The following AHI1 variants were observed in gnomAD, a reference collection of about 807,000 sequenced individuals.
The protein encoded by AHI1 is jouberin.
AHI1 carries 123 observed loss-of-function variants against 149.3 expected under a neutral mutation model. That is an observed-to-expected ratio of 0.82 (90% CI 0.71 to 0.96). AHI1 has a LOEUF of 0.96. Among genes scored for constraint, AHI1 ranks in the 40% least tolerant of loss-of-function variants. The pLI, the probability that AHI1 is intolerant of heterozygous loss-of-function variation, is 0.00. For missense variants in AHI1, 1,439 were observed against 1,422.7 expected, an observed-to-expected ratio of 1.01 and a Z score of -0.18; for synonymous variants, 475 against 459.8, an observed-to-expected ratio of 1.03 and a Z score of -0.42.
In AHI1 at chr6:135,340,187, C is replaced by T. The variant is rs139433812; in HGVS notation, c.3166-16863G>A. Among the ~76,000 whole-genome samples the T allele has an allele frequency of 1.9e-3, 289 of 152,096 alleles. 1 individual carries two copies. Among genetic ancestry groups the T allele is most frequent in the African/African-American group, 6.7e-3 (278 of 41,518 alleles). ...GAGTTCAAGACCAGCCTGACCAACA[C>T]GGTGAAACCCTGTATCTACTAAAAA... On this transcript the variant is annotated intron_variant, in intron 24 of 28. Coordinates refer to ENST00000265602, the MANE Select transcript of AHI1 (RefSeq NM_001134831.2).
At chr6:135,413,819 G>A (rs1683000886) in intron 20 of AHI1, among the ~76,000 whole-genome samples, 2 of 152,164 alleles carry the variant, frequency 1.3e-5, no homozygotes, top group Non-Finnish European at 1.5e-5. Flanking sequence ...TGAAAGACCT[G>A]TATACTGAAA....
chr6:135,495,643 T>G (rs1351690895), intron 3 of AHI1, 171 bp downstream of exon 3: 1 of 152,246 alleles, frequency 6.6e-6, no homozygotes, highest in Non-Finnish European at 1.5e-5. Flanking sequence ...AAATGTTCTG[T>G]AACTCCCACC....
intron 20 of AHI1, among the ~76,000 whole-genome samples, chr6:135,423,849 C>T (rs750382612): frequency 1.3e-5 from 2 of 152,014 alleles, no homozygotes; most frequent in African/African-American, 2.4e-5. Flanking sequence ...GACATTGCCA[C>T]CTAGCGAAAA....
At chr6:135,364,950 G>A (rs904453428) in intron 23 of AHI1, among the ~76,000 whole-genome samples, 2 of 152,028 alleles carry the variant, frequency 1.3e-5, no homozygotes, top group African/African-American at 4.8e-5. Flanking sequence ...AGAGGGAGAG[G>A]GAGTGGGAGC....
chr6:135,468,716 AAC>A (rs1159349498), intron 5 of AHI1, among the ~76,000 whole-genome samples: 1 of 152,148 alleles, frequency 6.6e-6, no homozygotes, highest in African/African-American at 2.4e-5. Flanking sequence ...GAATACTATA[AAC>A]AACTCTATGC....
chr6:135,317,774 A>G (rs1786199718), intron 26 of AHI1, among the ~76,000 whole-genome samples: 1 of 152,178 alleles, frequency 6.6e-6, no homozygotes, highest in South Asian at 2.1e-4. Flanking sequence ...ACTGTCAAAA[A>G]ACTTTATTTT....
At chr6:135,326,936 C>T (rs1462813146) in intron 24 of AHI1, among the ~76,000 whole-genome samples, 1 of 152,188 alleles carries the variant, frequency 6.6e-6, no homozygotes, top group Non-Finnish European at 1.5e-5. Flanking sequence ...GTCCATTATA[C>T]CTCTCTGTAT....
chr6:135,457,270 G>A (rs1364073574), intron 9 of AHI1, among the ~76,000 whole-genome samples: 1 of 152,132 alleles, frequency 6.6e-6, no homozygotes, highest in Non-Finnish European at 1.5e-5. Context: ...GCGACAAAGC[G>A]AGACTCCATC....
In AHI1 at chr6:135,466,308, A is replaced by G. The variant is rs1265623893; in HGVS notation, c.255T>C (p.Ala85=). The G allele has an allele frequency of 6.2e-7, 1 of 1,613,796 alleles. No individual in the cohort carries two copies. The highest frequency in any genetic ancestry group is 8.5e-7 in the Non-Finnish European group (1 of 1,179,846). The change falls in exon 7 of 29, where the codon GCT becomes GCC. Residue 85 remains alanine (A), a synonymous_variant. Transcript: ENST00000265602. ...KETTSDDVSA[A]NTNNLKKSTR... is the part of the protein sequence containing the mutation. ...TGCTCTTCTTCAGGTTGTTAGTGTTAGCAGCACTTACATCATCACTTGTAG... is the reference window on the plus strand; with the variant it reads ...TGCTCTTCTTCAGGTTGTTAGTGTTGGCAGCACTTACATCATCACTTGTAG...
chr6:135,427,230 T>A lies in AHI1; in HGVS notation c.2701A>T (p.Met901Leu). ...TGCCCAAATGCACAGAATGCAACCA[T>A]ATTTTCAAATGGATGATAAGAAATG... ...RDISYHPFEN[M>L]VAFCAFGQNE... The change falls in exon 20 of 29, where the codon ATG becomes TTG. Residue 901 changes from methionine (M) to leucine (L), a missense_variant. Coordinates refer to ENST00000265602, the MANE Select transcript of AHI1 (RefSeq NM_001134831.2). 1.2e-6 allele frequency: 2 copies of A among 1,610,772 alleles called. No individual in the cohort carries two copies. Among genetic ancestry groups the A allele is most frequent in the African/African-American group, 2.7e-5 (2 of 74,888 alleles).
intron 3 of AHI1, 91 bp from the exon 4 acceptor site, chr6:135,492,382 C>T: frequency 7.2e-7 from 1 of 1,391,434 alleles, no homozygotes; most frequent in Non-Finnish European, 9.4e-7. Flanking sequence ...CATTGTATGT[C>T]CACTACTTCA....
intron 23 of AHI1, among the ~76,000 whole-genome samples, chr6:135,369,922 T>G (rs1774773530): frequency 1.3e-5 from 2 of 152,192 alleles, no homozygotes; most frequent in Non-Finnish European, 2.9e-5. Context: ...TTTGCACTCC[T>G]TTTGCTCATG....
At chr6:135,343,096 AG>A (rs948376222) in intron 24 of AHI1, among the ~76,000 whole-genome samples, 5 of 151,930 alleles carry the variant, frequency 3.3e-5, no homozygotes, top group Non-Finnish European at 5.9e-5. Flanking sequence ...AGATTCAAAA[AG>A]GTCTCAGGAT....
intron 20 of AHI1, among the ~76,000 whole-genome samples, chr6:135,423,264 T>C (rs1783469088): frequency 6.6e-6 from 1 of 152,202 alleles, no homozygotes; most frequent in Non-Finnish European, 1.5e-5. Flanking sequence ...CCTCTCAGCA[T>C]ATATTTTTAT....
intron 3 of AHI1, 26 bp from the exon 4 acceptor site, chr6:135,492,317 G>A: frequency 6.8e-7 from 1 of 1,468,446 alleles, no homozygotes; most frequent in South Asian, 1.5e-5. Context: ...AGATGTATTT[G>A]TAATATGGAA....
chr6:135,361,015 T>C (rs373959248), intron 23 of AHI1, among the ~76,000 whole-genome samples: 18 of 152,360 alleles, frequency 1.2e-4, no homozygotes, highest in African/African-American at 4.3e-4. Context: ...TTTCTTTTTG[T>C]TCTTTTCTTC....
At chr6:135,314,130 G>A (rs2128369913) in intron 26 of AHI1, among the ~76,000 whole-genome samples, 2 of 152,290 alleles carry the variant, frequency 1.3e-5, no homozygotes, top group South Asian at 2.1e-4. Flanking sequence ...TTTATGTTAT[G>A]GACCTCATGT....
At chr6:135,322,845 A>G (rs1004942876) in intron 25 of AHI1, among the ~76,000 whole-genome samples, 1 of 152,188 alleles carries the variant, frequency 6.6e-6, no homozygotes, top group Non-Finnish European at 1.5e-5. Context: ...CTGTGGCTAG[A>G]GAAGAACTGA....
chr6:135,304,128 CTGGGCTCAGGCTAACCTG>C (rs1170533247), intron 26 of AHI1, among the ~76,000 whole-genome samples: 3 of 152,214 alleles, frequency 2.0e-5, no homozygotes, highest in East Asian at 1.9e-4. Flanking sequence ...CCTTGACCTC[CTGGGCTCAGGCTAACCTG>C]TGGGCTCAGG....
Sources: gnomAD v4.1 joint callset for allele counts (sites outside exome capture counted in the v4.1 genomes callset) on GRCh38, gnomAD v4.1.1 for gene constraint, MANE v1.5 for transcripts, NCBI Gene and HGNC (gene_info 2026-07-23, HGNC 2026-07-21) for gene names.